WDR20: variants seen among roughly 807,000 people sequenced by gnomAD.
WDR20 encodes the protein WD repeat domain 20.
WDR20 carries 3 observed loss-of-function variants against 38.7 expected under a neutral mutation model. That is an observed-to-expected ratio of 0.08 (90% CI 0.04 to 0.20). WDR20 has a LOEUF of 0.20. Ranked by LOEUF, WDR20 falls within the 10% of genes least tolerant of loss-of-function variation. The pLI, the probability that WDR20 is intolerant of heterozygous loss-of-function variation, is 1.00. For synonymous variants in WDR20, 298 were observed against 285.6 expected (o/e 1.04, Z -0.44); for missense variants, 559 against 727.7 (o/e 0.77, Z 2.67).
intron 1 of WDR20, among the ~76,000 whole-genome samples, chr14:102,142,774 CTTTTTTTTT>C (rs71116885): frequency 2.4e-4 from 20 of 85,038 alleles, no homozygotes; most frequent in Non-Finnish European, 8.8e-5. Flanking sequence ...GCTGTTTTGA[CTTTTTTTTT>C]TTTTTTTTTT....
In WDR20 at chr14:102,207,773, G is replaced by A. The variant is rs547481155; in HGVS notation, c.433-830G>A. ...GAAAGAGACTTGTGCCTTTGGTGGG[G>A]CAGGTATTTTTGCCCTTCGTTATTT... On this transcript the variant is annotated intron_variant, in intron 2 of 2. Transcript: ENST00000342702. This position sits in a 1 kb window ranked among gnomAD's most constrained non-coding sequence, Gnocchi z 5.0. Among the ~76,000 whole-genome samples, 6 of 152,304 alleles carry A rather than the reference G, an allele frequency of 3.9e-5. No homozygotes were observed. In the South Asian group the frequency reaches 1.2e-3, roughly 32 times the overall value.
At chr14:102,167,044 G>C (rs1380408814) in intron 1 of WDR20, among the ~76,000 whole-genome samples, 2 of 152,102 alleles carry the variant, frequency 1.3e-5, no homozygotes, top group Non-Finnish European at 2.9e-5. Flanking sequence ...GGTTCCTGTT[G>C]CTTTTAGCAT....
At chr14:102,210,938 A>T (rs921487768), downstream of WDR20, among the ~76,000 whole-genome samples, 1 of 151,992 alleles carries the variant, frequency 6.6e-6, no homozygotes, top group African/African-American at 2.4e-5. Flanking sequence ...TGGTTCCGGG[A>T]TTACTCTTGG....
rs1213578278 is a variant in WDR20 at position 102,220,352 on chromosome 14, C to A, written c.1693-2478C>A. Among the ~76,000 whole-genome samples, 1 of 152,252 alleles carries A rather than the reference C, an allele frequency of 6.6e-6. No homozygotes were observed. The highest frequency in any genetic ancestry group is 1.5e-5 in the Non-Finnish European group (1 of 68,030). ...GCCATAACGTGTCAACCACACAGCA[C>A]ACCTCAAAGGCTTCTTACCAAAAAA... is the stretch of plus-strand genomic sequence containing the variant. On this transcript the variant is annotated intron_variant, in intron 3 of 3. Transcript: ENST00000335263. This position sits in a 1 kb window ranked among gnomAD's most constrained non-coding sequence, Gnocchi z 4.2.
intron 1 of WDR20, among the ~76,000 whole-genome samples, chr14:102,154,740 AGT>A (rs2056964302): frequency 6.6e-6 from 1 of 152,190 alleles, no homozygotes. Context: ...TGAATAAATG[AGT>A]GTATACTTTG....
intron 1 of WDR20, among the ~76,000 whole-genome samples, chr14:102,169,718 G>A (rs1282640235): frequency 6.6e-6 from 1 of 152,106 alleles, no homozygotes; most frequent in Admixed American, 6.5e-5. Context: ...AGTAGAGACA[G>A]GGTTTCACCA....
chr14:102,146,424 A>G (rs942934909), intron 1 of WDR20, among the ~76,000 whole-genome samples: 7 of 152,094 alleles, frequency 4.6e-5, no homozygotes, highest in Non-Finnish European at 8.8e-5. Context: ...CGGCCTCTCA[A>G]AGTGCTGGGA....
chr14:102,191,899 A>C (rs1418780705), intron 1 of WDR20, among the ~76,000 whole-genome samples: 1 of 152,248 alleles, frequency 6.6e-6, no homozygotes, highest in Non-Finnish European at 1.5e-5. Flanking sequence ...GTGGATTGAT[A>C]CTTTTGTAAA....
At chr14:102,195,503 G>C (rs1201267861) in intron 2 of WDR20, among the ~76,000 whole-genome samples, 1 of 152,186 alleles carries the variant, frequency 6.6e-6, no homozygotes, top group Non-Finnish European at 1.5e-5. Flanking sequence ...ATTTCCTTAG[G>C]CTGCTTAAAT....
At chr14:102,156,237 G>A (rs1189403616) in intron 1 of WDR20, among the ~76,000 whole-genome samples, 2 of 150,184 alleles carry the variant, frequency 1.3e-5, no homozygotes, top group East Asian at 2.0e-4. Flanking sequence ...GCATGATCTC[G>A]GCTCACTGCA....
rs2064097195 is a variant in WDR20, at chr14:102,223,031, T to A, written c.*148T>A. On this transcript the variant is annotated 3_prime_UTR_variant, in exon 4 of 4. Coordinates refer to the WDR20 transcript ENST00000335263. ...GCCGTGTGGACGGTGACCGGCTCAC[T>A]CTGCGGCGCCGTGCTCCCGCTGCTC... 21 of 873,238 alleles carry A rather than the reference T, an allele frequency of 2.4e-5. 1 individual carries two copies. The South Asian group carries it at 3.2e-4, about 13-fold the overall frequency. The allele number at this position is 873,238 out of a possible 1,614,324, so 54.1% of individuals were successfully genotyped here. A position where few individuals can be genotyped will look rare whatever the true frequency, so the allele number is the denominator to read the frequency against.
intron 1 of WDR20, among the ~76,000 whole-genome samples, chr14:102,166,997 A>T (rs2059902236): frequency 6.6e-6 from 1 of 152,260 alleles, no homozygotes; most frequent in Admixed American, 6.5e-5. Context: ...AAAAATGTGA[A>T]TCGGATTGTC....
chr14:102,166,263 A>G (rs2059765137), intron 1 of WDR20, among the ~76,000 whole-genome samples: 2 of 152,084 alleles, frequency 1.3e-5, no homozygotes, highest in African/African-American at 2.4e-5. Flanking sequence ...TTAAGTTTCT[A>G]TGCTGTTTAA....
chr14:102,143,150 TCTC>T (rs2052099094), intron 1 of WDR20, among the ~76,000 whole-genome samples: 1 of 152,148 alleles, frequency 6.6e-6, no homozygotes, highest in African/African-American at 2.4e-5. Flanking sequence ...TAGAATTTTT[TCTC>T]ATAGTAAGGA....
intron 1 of WDR20, among the ~76,000 whole-genome samples, chr14:102,162,821 A>C (rs573760052): frequency 6.6e-6 from 1 of 152,230 alleles, no homozygotes; most frequent in African/African-American, 2.4e-5. Context: ...CGTGTAGCCC[A>C]GGCTGGTCTT....
chr14:102,183,527 T>C (rs951673124), intron 1 of WDR20, among the ~76,000 whole-genome samples: 2 of 152,224 alleles, frequency 1.3e-5, no homozygotes, highest in Admixed American at 1.3e-4. Flanking sequence ...CATTACAGAT[T>C]CAGTAGCTTG....
rs140740176 is a variant in WDR20 at position 102,209,673 on chromosome 14, C to G, written c.1503C>G (p.Thr501=). ...SSDKLNLVTK[T]KTDPAKTLGT... ...ACAAACTGAATCTAGTTACCAAAAC[C>G]AAAACGGACCCTGCTAAAACTCTGG... is the stretch of plus-strand genomic sequence containing the variant. Residue 501 remains threonine, a synonymous_variant, in exon 3 of 3, where the codon ACC becomes ACG. Coordinates refer to ENST00000342702, the MANE Select transcript of WDR20 (RefSeq NM_144574.4). This position sits in a 1 kb window ranked among gnomAD's most constrained non-coding sequence, Gnocchi z 6.0. The G allele has an allele frequency of 1.2e-4, 201 of 1,614,140 alleles. 1 individual carries two copies. In the African/African-American group the frequency reaches 2.4e-3, roughly 20 times the overall value.
At chr14:102,140,454 G>C (rs988714448) in intron 1 of WDR20, among the ~76,000 whole-genome samples, 2 of 152,148 alleles carry the variant, frequency 1.3e-5, no homozygotes, top group Non-Finnish European at 2.9e-5. Context: ...CCTCCAGCCT[G>C]GTCCATCAGG....
intron 1 of WDR20, among the ~76,000 whole-genome samples, chr14:102,153,565 A>T (rs898743968): frequency 6.6e-6 from 1 of 151,890 alleles, no homozygotes; most frequent in Non-Finnish European, 1.5e-5. Flanking sequence ...CTCAGCCTCC[A>T]AAAGTGCTGG....
Sources: allele counts gnomAD v4.1 joint callset (sites outside exome capture counted in the v4.1 genomes callset), GRCh38; gene constraint gnomAD v4.1.1; non-coding constraint Gnocchi (gnomAD v3.1); transcripts MANE v1.5; gene names NCBI Gene and HGNC (gene_info 2026-07-23, HGNC 2026-07-21).